The following ARMCX4 variants were observed in gnomAD, a reference collection of about 807,000 sequenced individuals.
ARMCX4 encodes armadillo repeat containing X-linked 4.
Under a neutral mutation model 34.7 loss-of-function variants are expected in ARMCX4, and 3 were observed. The ratio of observed to expected loss-of-function variants is 0.09; its 90% CI spans 0.04 to 0.22. The LOEUF (loss-of-function observed/expected upper bound fraction) is 0.22. Among genes scored for constraint, ARMCX4 ranks in the 10% least tolerant of loss-of-function variants. The pLI, the probability that ARMCX4 is intolerant of heterozygous loss-of-function variation, is 1.00. For synonymous variants in ARMCX4, 513 were observed against 632.8 expected, an observed-to-expected ratio of 0.81 and a Z score of 2.84; for missense variants, 1,448 against 1,720.8, an observed-to-expected ratio of 0.84 and a Z score of 2.81.
In ARMCX4 at chrX:101,490,552, G is replaced by A. The variant is rs1432009207; in HGVS notation, c.1963G>A (p.Val655Met). The A allele has an allele frequency of 8.7e-7, 1 of 1,154,883 alleles. No individual in the cohort carries two copies. The highest frequency in any genetic ancestry group is 3.3e-5 in the East Asian group (1 of 30,717). The stretch of plus-strand genomic sequence containing the variant: ...TAAAGTTAAGGGTAATCCCAATGTT[G>A]TGCTTAAGGCAGAAGTTGGGGAAGG... ...KNKVKGNPNV[V>M]LKAEVGEGAM... is the part of the protein sequence containing the mutation. Residue 655 changes from valine to methionine, a missense_variant, in exon 6 of 6, where the codon GTG becomes ATG. Transcript: ENST00000423738.
chrX:101,435,927 C>A (rs1424712107), intron 2 of ARMCX4, among the ~76,000 whole-genome samples: 1 of 111,388 alleles, frequency 9.0e-6, no homozygotes, highest in Non-Finnish European at 1.9e-5. Flanking sequence ...TTGTTTTTGT[C>A]AGGTTTGTCA....
At position 101,492,466 on chromosome X, in the gene ARMCX4, G is replaced by A. The variant is rs73563076; in HGVS notation, c.3877G>A (p.Ala1293Thr). Residue 1293 changes from alanine (A) to threonine (T), a missense_variant, in exon 6 of 6, where the codon GCT (alanine) becomes ACT (threonine). Physicochemically the swap from Ala to Thr is moderately conservative, Grantham distance 58 (BLOSUM62 0). This residue lies in a region of ARMCX4 where 1,343 missense variants were observed against 1,540.7 expected (regional missense o/e 0.87). Coordinates refer to ENST00000423738, the MANE Select transcript of ARMCX4 (RefSeq NM_001256155.3). ...GAATATGAGTAGTGTTTCATACTGG[G>A]CTGGGGTTGTGGATCAGGCCGGTGG... Reference protein sequence around the residue: ...AGNMSSVSYWAGVVDQAGGGS... With the variant: ...AGNMSSVSYWTGVVDQAGGGS... 55,808 of 1,151,491 alleles carry A rather than the reference G, an allele frequency of 0.048. 1,349 individuals carry two copies. The highest frequency in any genetic ancestry group is 0.17 in the African/African-American group (9,443 of 54,998). The allele number at this position is 1,151,491 out of a possible 1,213,427, so 94.9% of individuals were successfully genotyped here. A position where few individuals can be genotyped will look rare whatever the true frequency, so the allele number is the denominator to read the frequency against.
chrX:101,419,674 G>T (rs782087775), intron 2 of ARMCX4, among the ~76,000 whole-genome samples: 2 of 111,277 alleles, frequency 1.8e-5, no homozygotes, highest in African/African-American at 6.5e-5. Flanking sequence ...CCCTGTCCTC[G>T]GCCTGCCTAG....
chrX:101,525,119 CATTTGCTGTTCTGCAAT>C (rs1476152738), intron 11 of ARMCX4, among the ~76,000 whole-genome samples: 3 of 111,759 alleles, frequency 2.7e-5, no homozygotes, highest in Non-Finnish European at 3.8e-5. Context: ...CAGGCAACAA[CATTTGCTGTTCTGCAAT>C]ATTTGCTGTT....
intron 2 of ARMCX4, among the ~76,000 whole-genome samples, chrX:101,438,302 C>T (rs782352982): frequency 1.1e-4 from 12 of 111,853 alleles, no homozygotes; most frequent in African/African-American, 2.9e-4. Flanking sequence ...CGGTGGCTCA[C>T]GCCTGTAATC....
At chrX:101,429,689 C>T (rs1395642886) in intron 2 of ARMCX4, among the ~76,000 whole-genome samples, 1 of 111,229 alleles carries the variant, frequency 9.0e-6, no homozygotes, top group African/African-American at 3.3e-5. Context: ...TGCCTGCCAT[C>T]GAGAGGCCAC....
intron 2 of ARMCX4, among the ~76,000 whole-genome samples, chrX:101,419,669 T>C (rs1365106385): frequency 9.0e-6 from 1 of 111,625 alleles, no homozygotes; most frequent in African/African-American, 3.3e-5. Flanking sequence ...TTGGGCCCTG[T>C]CCTCGGCCTG....
chrX:101,498,316 G>T (rs1450556288), downstream of ARMCX4: 1 of 280,434 alleles, frequency 3.6e-6, no homozygotes, highest in Non-Finnish European at 6.8e-6. Flanking sequence ...TGTCAATGAA[G>T]ACTCCATCAT....
intron 11 of ARMCX4, among the ~76,000 whole-genome samples, chrX:101,512,603 T>G (rs1934603873): frequency 9.1e-6 from 1 of 109,484 alleles, no homozygotes; most frequent in South Asian, 3.9e-4. Context: ...TGTTAATATA[T>G]TCCATGAACT....
intron 4 of ARMCX4, among the ~76,000 whole-genome samples, chrX:101,475,753 G>A (rs1006463392): frequency 2.2e-4 from 25 of 111,372 alleles, no homozygotes; most frequent in African/African-American, 7.5e-4. Context: ...AAGGACTAAA[G>A]GACACAGAAG....
At chrX:101,457,467 C>T (rs1190003122) in intron 4 of ARMCX4, among the ~76,000 whole-genome samples, 3 of 111,194 alleles carry the variant, frequency 2.7e-5, no homozygotes, top group African/African-American at 6.5e-5. Flanking sequence ...CAGTGGCTCA[C>T]GCCTGTATCC....
intron 4 of ARMCX4, among the ~76,000 whole-genome samples, chrX:101,471,242 C>T (rs1441067553): frequency 1.8e-5 from 2 of 112,480 alleles, no homozygotes; most frequent in Non-Finnish European, 3.7e-5. Flanking sequence ...CAAGCCTGTA[C>T]ATTACCTATC....
At chrX:101,486,984 C>G (rs1467991851) in intron 2 of ARMCX4, among the ~76,000 whole-genome samples, 1 of 104,160 alleles carries the variant, frequency 9.6e-6, no homozygotes, top group Non-Finnish European at 2.0e-5. Context: ...AATAACGTGC[C>G]TCTGTCTGTT....
At chrX:101,525,421 G>A (rs1934944813) in intron 11 of ARMCX4, among the ~76,000 whole-genome samples, 1 of 111,828 alleles carries the variant, frequency 8.9e-6, no homozygotes. Flanking sequence ...TCCTCCAAAG[G>A]ATCGCAGCTC....
chrX:101,514,547 G>C (rs1291494943), intron 11 of ARMCX4, among the ~76,000 whole-genome samples: 1 of 112,151 alleles, frequency 8.9e-6, no homozygotes, highest in Non-Finnish European at 1.9e-5. Flanking sequence ...TTGCTGTGAA[G>C]TAAGTTTCTT....
Position 101,489,975 on chromosome X carries a change from G to T in ARMCX4, c.1386G>T (p.Val462=), listed in dbSNP as rs369399755. ...SRGNPNVMAK[V]GDGTDMLSCT... The stretch of plus-strand genomic sequence containing the variant: ...GCAATCCCAATGTTATGGCTAAGGT[G>T]GGGGATGGGACAGACATGTTGTCCT... Residue 462 remains valine (V), a synonymous_variant, in exon 6 of 6, where the codon GTG becomes GTT. Transcript: ENST00000423738. The T allele has an allele frequency of 4.2e-5, 48 of 1,154,005 alleles. No homozygotes were observed. In the East Asian group the frequency reaches 9.8e-4, roughly 24 times the overall value.
downstream of ARMCX4, among the ~76,000 whole-genome samples, chrX:101,446,844 C>T (rs1271268464): frequency 9.0e-6 from 1 of 110,686 alleles, no homozygotes; most frequent in Non-Finnish European, 1.9e-5. Flanking sequence ...ATCCCAGCTA[C>T]TTGTGAGGCT....
At chrX:101,442,590 A>C (rs1244323884) in intron 2 of ARMCX4, among the ~76,000 whole-genome samples, 1 of 111,347 alleles carries the variant, frequency 9.0e-6, no homozygotes, top group African/African-American at 3.3e-5. Flanking sequence ...AGCTCCTGAA[A>C]CTCAAGGGTA....
chrX:101,530,048 G>A (rs1458677942), intron 11 of ARMCX4, among the ~76,000 whole-genome samples: 2 of 111,441 alleles, frequency 1.8e-5, no homozygotes, highest in African/African-American at 3.3e-5. Flanking sequence ...TTTTTATTGC[G>A]GTACTATTCA....
Sources: gnomAD v4.1 joint callset for allele counts (sites outside exome capture counted in the v4.1 genomes callset) on GRCh38, gnomAD v4.1.1 for gene constraint, gnomAD v4.1.1 regional missense constraint, MANE v1.5 for transcripts, NCBI Gene and HGNC (gene_info 2026-07-23, HGNC 2026-07-21) for gene names.